GPR158: variants seen among roughly 807,000 people sequenced by gnomAD.
GPR158 encodes metabotropic glycine receptor.
Under a neutral mutation model 78.2 loss-of-function variants are expected in GPR158, and 30 were observed. The ratio of observed to expected loss-of-function variants is 0.38; its 90% CI spans 0.29 to 0.52. The LOEUF is 0.52. Among genes scored for constraint, GPR158 ranks in the 20% least tolerant of loss-of-function variants. GPR158 has a pLI of 0.83. For synonymous variants in GPR158, 581 were observed against 591.1 expected (o/e 0.98, Z 0.25); for missense variants, 1,463 against 1,523.5 (o/e 0.96, Z 0.66).
At chr10:25,182,126 A>G (rs1176233149) in intron 1 of GPR158, among the ~76,000 whole-genome samples, 1 of 152,232 alleles carries the variant, frequency 6.6e-6, no homozygotes, top group Admixed American at 6.5e-5. Flanking sequence ...TTGACTTTAT[A>G]ATGATCATTT....
At chr10:25,290,030 A>G (rs1854411960) in intron 2 of GPR158, among the ~76,000 whole-genome samples, 1 of 152,204 alleles carries the variant, frequency 6.6e-6, no homozygotes. Context: ...CAATAAAATT[A>G]TCACACAGTT....
intron 2 of GPR158, among the ~76,000 whole-genome samples, chr10:25,379,170 TATC>T (rs1422218413): frequency 6.6e-6 from 1 of 152,218 alleles, no homozygotes; most frequent in African/African-American, 2.4e-5. Context: ...TACCATCTTC[TATC>T]ATCAATATTA....
At chr10:25,470,138 A>T (rs2480346) in intron 5 of GPR158, among the ~76,000 whole-genome samples, 1 of 151,360 alleles carries the variant, frequency 6.6e-6, no homozygotes, top group African/African-American at 2.4e-5. Flanking sequence ...TGCACTCAAT[A>T]TGTAGATCGA....
At chr10:25,378,640 A>G (rs1241038094) in intron 2 of GPR158, among the ~76,000 whole-genome samples, 3 of 151,384 alleles carry the variant, frequency 2.0e-5, no homozygotes, top group Non-Finnish European at 4.4e-5. Context: ...TTATATTAAT[A>G]TTTTTTAATA....
chr10:25,404,705 A>G (rs1475439009), intron 3 of GPR158, among the ~76,000 whole-genome samples: 2 of 152,106 alleles, frequency 1.3e-5, no homozygotes, highest in Admixed American at 6.6e-5. Flanking sequence ...ATATAAAACC[A>G]TTGTCCTATT....
chr10:25,457,186 G>T (rs3123901), intron 4 of GPR158, among the ~76,000 whole-genome samples: 34 of 134,328 alleles, frequency 2.5e-4, no homozygotes, highest in African/African-American at 9.6e-4. Flanking sequence ...GTAGAGATGG[G>T]ATTTCACCAT....
chr10:25,541,956 TATATA>T (rs1396990205), intron 5 of GPR158, among the ~76,000 whole-genome samples: 1 of 147,356 alleles, frequency 6.8e-6, no homozygotes, highest in African/African-American at 2.5e-5. Flanking sequence ...TTATATAAAT[TATATA>T]TTATATATTA....
intron 4 of GPR158, among the ~76,000 whole-genome samples, chr10:25,428,982 G>A (rs1361636): frequency 0.44 from 66,487 of 151,680 alleles, 17,928 homozygotes; most frequent in Non-Finnish European, 0.61. Context: ...CATCTTTAGC[G>A]TTACAGTTGG....
intron 3 of GPR158, among the ~76,000 whole-genome samples, chr10:25,403,349 G>A (rs962836703): frequency 1.3e-5 from 2 of 151,958 alleles, no homozygotes; most frequent in African/African-American, 2.4e-5. Context: ...ACAGGTGAAC[G>A]TTTTAGATTC....
At chr10:25,326,856 C>T (rs1403948612) in intron 2 of GPR158, among the ~76,000 whole-genome samples, 1 of 152,098 alleles carries the variant, frequency 6.6e-6, no homozygotes, top group Admixed American at 6.5e-5. Flanking sequence ...ACTGTAAATA[C>T]AGATGGTCAC....
chr10:25,352,936 A>T (rs999516012), intron 2 of GPR158, among the ~76,000 whole-genome samples: 14 of 152,092 alleles, frequency 9.2e-5, no homozygotes, highest in African/African-American at 3.4e-4. Flanking sequence ...ATACATAAAA[A>T]TATAAAATAA....
At chr10:25,488,147 G>A (rs1028541127) in intron 5 of GPR158, among the ~76,000 whole-genome samples, 1 of 152,200 alleles carries the variant, frequency 6.6e-6, no homozygotes, top group Middle Eastern at 3.4e-3. Context: ...AAGTGCTAGG[G>A]ATCCTGGGTG....
Position 25,598,603 on chromosome 10 carries a change from G to A in GPR158, c.2977G>A (p.Gly993Ser). 1 of 1,614,040 alleles carries A rather than the reference G, an allele frequency of 6.2e-7. No individual in the cohort carries two copies. Among genetic ancestry groups the A allele is most frequent in the Non-Finnish European group, 8.5e-7 (1 of 1,180,012 alleles). The stretch of plus-strand genomic sequence containing the variant: ...CACTGCCAATTCTGACCTGAACCCA[G>A]GCACCACCCAGATGAAGGACAACTT... The part of the protein sequence containing the change: ...PTTANSDLNP[G>S]TTQMKDNFDI... The change falls in exon 11 of 11, where the codon GGC (glycine) becomes AGC (serine). Residue 993 changes from glycine to serine, a missense_variant. Transcript: ENST00000376351.
chr10:25,599,117 C>A lies in GPR158; in HGVS notation c.3491C>A (p.Pro1164His). ...AACTCAAGTAATAACTTCCAGCAAC[C>A]TTTAACATCACGAGCAGAGGTTTGT... ...SYNSSNNFQQ[P>H]LTSRAEVCPW... Residue 1164 changes from proline (P) to histidine (H), a missense_variant, in exon 11 of 11, where the codon CCT becomes CAT. Transcript: ENST00000376351. The A allele has an allele frequency of 6.2e-7, 1 of 1,611,992 alleles. No individual in the cohort carries two copies. The highest frequency in any genetic ancestry group is 8.5e-7 in the Non-Finnish European group (1 of 1,179,986).
At chr10:25,434,956 G>C (rs928869012) in intron 4 of GPR158, among the ~76,000 whole-genome samples, 11 of 152,240 alleles carry the variant, frequency 7.2e-5, no homozygotes, top group Admixed American at 7.2e-4. Flanking sequence ...AGATGTTAGA[G>C]AGCACACATA....
rs558962598 is a variant in GPR158 at position 25,246,564 on chromosome 10, T to A, written c.1008+25407T>A. On this transcript the variant is annotated intron_variant, in intron 2 of 10. Coordinates refer to ENST00000376351, the MANE Select transcript of GPR158 (RefSeq NM_020752.3). ...GTAAAAGCTGATGAGCTGAGCATTA[T>A]CGGGGGAATAGAATGATGAGTGACA... 8.1e-4 allele frequency among the ~76,000 whole-genome samples: 124 copies of A among 152,326 alleles called. 2 individuals are homozygous for A. The highest frequency in any genetic ancestry group is 8.1e-3 in the South Asian group (39 of 4,822).
At chr10:25,580,102 C>T (rs965632478) in intron 7 of GPR158, among the ~76,000 whole-genome samples, 1 of 152,156 alleles carries the variant, frequency 6.6e-6, no homozygotes, top group Non-Finnish European at 1.5e-5. Flanking sequence ...ATATTTTATT[C>T]ACCACATTGA....
intron 2 of GPR158, among the ~76,000 whole-genome samples, chr10:25,276,338 A>G (rs971164244): frequency 6.6e-6 from 1 of 152,118 alleles, no homozygotes; most frequent in Non-Finnish European, 1.5e-5. Flanking sequence ...ATTTAGAAAA[A>G]CCAAAAAAAC....
chr10:25,355,789 G>A (rs1020664193), intron 2 of GPR158, among the ~76,000 whole-genome samples: 3 of 152,020 alleles, frequency 2.0e-5, no homozygotes, highest in Non-Finnish European at 4.4e-5. Context: ...GAATGGGGTG[G>A]GTTTCAAAGG....
Sources: allele counts gnomAD v4.1 joint callset (sites outside exome capture counted in the v4.1 genomes callset), GRCh38; gene constraint gnomAD v4.1.1; transcripts MANE v1.5; gene names NCBI Gene and HGNC (gene_info 2026-07-23, HGNC 2026-07-21).